The following HPGDS variants were observed in gnomAD, a reference collection of about 807,000 sequenced individuals.
HPGDS encodes hematopoietic prostaglandin D synthase.
In HPGDS, 26 loss-of-function variants were observed where a neutral mutation model predicts 23.1. The observed-to-expected ratio is 1.13, with a 90% CI of 0.83 to 1.56. HPGDS has a LOEUF of 1.56. Ranked by LOEUF, HPGDS falls within the 40% of genes most tolerant of loss-of-function variation. The probability of loss-of-function intolerance (pLI) is 0.00; values close to 1 mark genes in which losing one functional copy is unlikely to be tolerated. For synonymous variants in HPGDS, 95 were observed against 77.9 expected (o/e 1.22, Z -1.16); for missense variants, 268 against 236.4 (o/e 1.13, Z -0.88).
intron 1 of HPGDS, among the ~76,000 whole-genome samples, chr4:94,339,489 C>T (rs1047583379): frequency 3.3e-5 from 5 of 152,082 alleles, no homozygotes; most frequent in Non-Finnish European, 7.4e-5. Context: ...ATAACCTATA[C>T]GGTTTATCAA....
At chr4:94,334,407 GA>G (rs1425890328) in intron 2 of HPGDS, 89 bp downstream of exon 2, 1 of 1,272,350 alleles carries the variant, frequency 7.9e-7, no homozygotes, top group African/African-American at 1.5e-5. Context: ...CATGAGCTTC[GA>G]AAACCTTGAT....
At chr4:94,324,535 T>C (rs1756589487) in intron 2 of HPGDS, among the ~76,000 whole-genome samples, 1 of 152,204 alleles carries the variant, frequency 6.6e-6, no homozygotes, top group South Asian at 2.1e-4. Flanking sequence ...TACCCTTTCT[T>C]CCACTTGATC....
At chr4:94,316,103 G>A (rs1368264274) in intron 3 of HPGDS, among the ~76,000 whole-genome samples, 1 of 152,178 alleles carries the variant, frequency 6.6e-6, no homozygotes, top group Non-Finnish European at 1.5e-5. Context: ...GTATATAGTA[G>A]TATTGAATAG....
At chr4:94,300,713 G>A (rs897047859) in intron 5 of HPGDS, among the ~76,000 whole-genome samples, 5 of 149,656 alleles carry the variant, frequency 3.3e-5, no homozygotes, top group African/African-American at 1.2e-4. Context: ...TATGCAAAAT[G>A]ATAGGGGTTA....
chr4:94,320,491 T>C (rs1756481187), intron 2 of HPGDS, among the ~76,000 whole-genome samples: 1 of 152,218 alleles, frequency 6.6e-6, no homozygotes, highest in African/African-American at 2.4e-5. Flanking sequence ...ATGGTTTTGA[T>C]TTGCATTTCT....
At chr4:94,314,582 G>A (rs1268752027) in intron 3 of HPGDS, among the ~76,000 whole-genome samples, 1 of 152,134 alleles carries the variant, frequency 6.6e-6, no homozygotes, top group Non-Finnish European at 1.5e-5. Flanking sequence ...GCTACTCAGG[G>A]GTCAGAGACC....
chr4:94,341,694 T>C (rs933476268), intron 1 of HPGDS, among the ~76,000 whole-genome samples: 1 of 152,312 alleles, frequency 6.6e-6, no homozygotes, highest in Middle Eastern at 3.4e-3. Context: ...GTTAGAGATA[T>C]AAAAACAAAG....
In HPGDS at chr4:94,334,478, T is replaced by A; in HGVS notation, c.133+19A>T. ...TCTGAAAGCATATTTTTCCTACATT[T>A]ATTATTTTTGCTACTTACTTGATTT... On this transcript the variant is annotated intron_variant, in intron 2 of 5. Transcript: ENST00000295256. The A allele has an allele frequency of 1.3e-6, 2 of 1,558,220 alleles. No individual in the cohort carries two copies. The highest frequency in any genetic ancestry group is 1.7e-6 in the Non-Finnish European group (2 of 1,154,532).
At chr4:94,301,841 C>G (rs1377785836) in intron 5 of HPGDS, among the ~76,000 whole-genome samples, 2 of 152,044 alleles carry the variant, frequency 1.3e-5, no homozygotes, top group Non-Finnish European at 2.9e-5. Context: ...TAGTTCTTCT[C>G]TAGTAGAGTA....
intron 1 of HPGDS, among the ~76,000 whole-genome samples, chr4:94,336,408 C>A (rs1463108584): frequency 6.6e-6 from 1 of 152,026 alleles, no homozygotes; most frequent in African/African-American, 2.4e-5. Flanking sequence ...CCTAGCAAAA[C>A]CATTTTTTCT....
intron 2 of HPGDS, among the ~76,000 whole-genome samples, chr4:94,319,859 C>T (rs576692730): frequency 6.6e-6 from 1 of 152,168 alleles, no homozygotes; most frequent in East Asian, 1.9e-4. Flanking sequence ...TGTGCTGCAC[C>T]CATTAACTCA....
In HPGDS at chr4:94,302,024, C is replaced by T. The variant is rs1756049792; in HGVS notation, c.435+122G>A. ...AAAGGTTTATTTAAAGAAGTTTAAC[C>T]TTTGTTCTTGCTGTAAATTCTATCC... On this transcript the variant is annotated intron_variant, in intron 5 of 5. Transcript: ENST00000295256. 4 of 534,784 alleles carry T rather than the reference C, an allele frequency of 7.5e-6. No individual in the cohort carries two copies. In the Admixed American group the frequency reaches 1.2e-4, roughly 16 times the overall value. The allele number at this position is 534,784 out of a possible 1,614,324, so 33.1% of individuals were successfully genotyped here. A position where few individuals can be genotyped will look rare whatever the true frequency, so the allele number is the denominator to read the frequency against.
chr4:94,301,645 A>T (rs1756042350), intron 5 of HPGDS, among the ~76,000 whole-genome samples: 2 of 152,128 alleles, frequency 1.3e-5, no homozygotes, highest in Non-Finnish European at 2.9e-5. Context: ...TGACATCAAC[A>T]CAATTTATTT....
chr4:94,340,311 CTTTTTTTTT>C (rs869240610), intron 1 of HPGDS, among the ~76,000 whole-genome samples: 2 of 23,674 alleles, frequency 8.4e-5, no homozygotes, highest in East Asian at 1.4e-3. Context: ...CTTTCTTTCT[CTTTTTTTTT>C]TTTTTTTTTT....
chr4:94,321,326 G>A (rs1239380292), intron 2 of HPGDS, among the ~76,000 whole-genome samples: 1 of 152,110 alleles, frequency 6.6e-6, no homozygotes, highest in Admixed American at 6.5e-5. Context: ...GGCTGGGGAT[G>A]GCATTGAATC....
At chr4:94,311,747 A>T (rs1045228209) in intron 3 of HPGDS, among the ~76,000 whole-genome samples, 4 of 151,368 alleles carry the variant, frequency 2.6e-5, no homozygotes, top group Non-Finnish European at 5.9e-5. Context: ...GGTAGAATTC[A>T]GCTGTGAGTC....
At chr4:94,312,673 A>T (rs1756300532) in intron 3 of HPGDS, among the ~76,000 whole-genome samples, 1 of 152,108 alleles carries the variant, frequency 6.6e-6, no homozygotes, top group Admixed American at 6.6e-5. Context: ...TGCAGAGCTG[A>T]CTTCAATTCC....
chr4:94,304,967 C>CAA (rs1467084854), intron 4 of HPGDS, among the ~76,000 whole-genome samples: 2 of 151,902 alleles, frequency 1.3e-5, no homozygotes, highest in East Asian at 3.9e-4. Context: ...GTACATGGAA[C>CAA]AAAAATCTTT....
chr4:94,330,533 T>C (rs964254484), intron 2 of HPGDS, among the ~76,000 whole-genome samples: 2 of 152,170 alleles, frequency 1.3e-5, no homozygotes, highest in South Asian at 2.1e-4. Context: ...AATTATTAAG[T>C]ACAAGACCAA....
Sources: allele counts gnomAD v4.1 joint callset (sites outside exome capture counted in the v4.1 genomes callset), GRCh38; gene constraint gnomAD v4.1.1; transcripts MANE v1.5; gene names NCBI Gene and HGNC (gene_info 2026-07-23, HGNC 2026-07-21).